Variants in NEGR1 observed in about 807,000 individuals in gnomAD.
NEGR1 encodes IgLON family member 4.
A neutral mutation model predicts 40.9 loss-of-function variants in NEGR1; 10 were observed. The observed-to-expected ratio is 0.24, with a 90% CI of 0.15 to 0.42. The LOEUF (loss-of-function observed/expected upper bound fraction) is 0.42, where lower values mean the gene tolerates loss of function less well. Among genes scored for constraint, NEGR1 ranks in the 10% least tolerant of loss-of-function variants. The probability of loss-of-function intolerance (pLI) is 1.00; values close to 1 mark genes in which losing one functional copy is unlikely to be tolerated. For missense variants in NEGR1, 352 were observed against 438.9 expected (o/e 0.80, Z 1.77); for synonymous variants, 185 against 166.8 (o/e 1.11, Z -0.84).
chr1:71,464,355 A>T (rs1357426130), intron 6 of NEGR1, among the ~76,000 whole-genome samples: 1 of 152,090 alleles, frequency 6.6e-6, no homozygotes, highest in Non-Finnish European at 1.5e-5. Context: ...TACCATGGTA[A>T]GTTTAAAAGA....
At chr1:71,805,639 A>C (rs1436283870) in intron 2 of NEGR1, among the ~76,000 whole-genome samples, 1 of 152,190 alleles carries the variant, frequency 6.6e-6, no homozygotes, top group Non-Finnish European at 1.5e-5. Context: ...ATTTAGCTAG[A>C]TATTTCATTG....
chr1:72,111,586 TG>T (rs1427350572), intron 1 of NEGR1, among the ~76,000 whole-genome samples: 1 of 151,776 alleles, frequency 6.6e-6, no homozygotes, highest in African/African-American at 2.4e-5. Context: ...AGATACAACA[TG>T]GATTCACAAA....
intron 6 of NEGR1, chr1:71,487,204 T>A (rs1646893328): frequency 6.6e-6 from 1 of 151,658 alleles, no homozygotes; most frequent in South Asian, 2.1e-4. Context: ...CAGAGCAGAA[T>A]CAGGAGTTCT....
At chr1:71,788,209 C>A (rs1656981760) in intron 2 of NEGR1, among the ~76,000 whole-genome samples, 1 of 151,820 alleles carries the variant, frequency 6.6e-6, no homozygotes, top group Non-Finnish European at 1.5e-5. Context: ...CAGCTATGTG[C>A]CAAGAGATAG....
intron 6 of NEGR1, among the ~76,000 whole-genome samples, chr1:71,572,523 G>A (rs777945315): frequency 6.6e-6 from 1 of 152,134 alleles, no homozygotes. Flanking sequence ...AAAGCATCTC[G>A]TGTTGCCAAT....
At chr1:71,763,746 AGTGT>A (rs55890627) in intron 3 of NEGR1, among the ~76,000 whole-genome samples, 17,635 of 149,974 alleles carry the variant, frequency 0.12, 1,381 homozygotes, top group African/African-American at 0.21. Context: ...CATATTTAGG[AGTGT>A]GTGTGTGTGT....
At chr1:71,636,175 A>C (rs755973162) in intron 4 of NEGR1, among the ~76,000 whole-genome samples, 2 of 152,108 alleles carry the variant, frequency 1.3e-5, no homozygotes, top group Non-Finnish European at 2.9e-5. Flanking sequence ...AATATATTAC[A>C]ATAAGTCCTA....
chr1:71,843,364 G>A (rs1366702357), intron 2 of NEGR1, among the ~76,000 whole-genome samples: 1 of 152,128 alleles, frequency 6.6e-6, no homozygotes, highest in African/African-American at 2.4e-5. Context: ...GTATATCTGG[G>A]TCAATTTAAA....
chr1:71,968,265 C>T (rs145677519), intron 1 of NEGR1, among the ~76,000 whole-genome samples: 1 of 152,096 alleles, frequency 6.6e-6, no homozygotes, highest in Non-Finnish European at 1.5e-5. Context: ...GACACAGTAC[C>T]CTGCCAATGT....
intron 1 of NEGR1, among the ~76,000 whole-genome samples, chr1:72,108,109 G>T (rs564284542): frequency 1.5e-4 from 23 of 151,450 alleles, no homozygotes; most frequent in African/African-American, 4.8e-4. Context: ...CATCTTAATG[G>T]GTAAGTAAAG....
At chr1:72,041,939 TTTGAGAGTCTC>T (rs1458264507) in intron 1 of NEGR1, among the ~76,000 whole-genome samples, 3 of 144,068 alleles carry the variant, frequency 2.1e-5, no homozygotes, top group Non-Finnish European at 4.5e-5. Context: ...ATAATATATA[TTTGAGAGTCTC>T]AAATATATAT....
At chr1:72,260,124 A>G (rs920864296) in intron 1 of NEGR1, among the ~76,000 whole-genome samples, 1 of 152,078 alleles carries the variant, frequency 6.6e-6, no homozygotes, top group Admixed American at 6.5e-5. Flanking sequence ...TTCTCATTTT[A>G]TCATTTTGAA....
chr1:71,952,000 A>C (rs1381930196), intron 1 of NEGR1, among the ~76,000 whole-genome samples: 2 of 151,806 alleles, frequency 1.3e-5, no homozygotes, highest in Non-Finnish European at 2.9e-5. Context: ...TTCCCCAACT[A>C]CCAGTCATTC....
intron 4 of NEGR1, among the ~76,000 whole-genome samples, chr1:71,684,119 A>C (rs1652937722): frequency 6.6e-6 from 1 of 151,988 alleles, no homozygotes; most frequent in Admixed American, 6.6e-5. Context: ...AAATACAAAA[A>C]ATTAGCCGGG....
At chr1:71,746,662 C>G (rs1182266563) in intron 3 of NEGR1, among the ~76,000 whole-genome samples, 1 of 151,346 alleles carries the variant, frequency 6.6e-6, no homozygotes, top group African/African-American at 2.4e-5. Context: ...CCACTTCTGT[C>G]AAAATACTCA....
chr1:71,660,658 C>A (rs1210866737), intron 4 of NEGR1, among the ~76,000 whole-genome samples: 1 of 152,122 alleles, frequency 6.6e-6, no homozygotes, highest in Non-Finnish European at 1.5e-5. Context: ...GAATTCTACA[C>A]ATATCTAACA....
At chr1:71,477,543 T>A (rs1646829096) in intron 6 of NEGR1, 1 of 152,292 alleles carries the variant, frequency 6.6e-6, no homozygotes, top group African/African-American at 2.4e-5. Context: ...CATGGCTGCC[T>A]GCTACCTTCT....
At chr1:71,492,518 C>T (rs777802125) in intron 6 of NEGR1, among the ~76,000 whole-genome samples, 3 of 151,974 alleles carry the variant, frequency 2.0e-5, no homozygotes, top group Non-Finnish European at 4.4e-5. Flanking sequence ...CTCATTTCTT[C>T]ACCTCTTACG....
At chr1:71,564,006 T>C (rs1570037688) in intron 6 of NEGR1, among the ~76,000 whole-genome samples, 1 of 151,582 alleles carries the variant, frequency 6.6e-6, no homozygotes, top group Non-Finnish European at 1.5e-5. Flanking sequence ...AAAACAAATA[T>C]GTATTTATGC....
Sources: allele counts gnomAD v4.1 joint callset (sites outside exome capture counted in the v4.1 genomes callset), GRCh38; gene constraint gnomAD v4.1.1; transcripts MANE v1.5; gene names NCBI Gene and HGNC (gene_info 2026-07-23, HGNC 2026-07-21).